ACVR1: variants seen among roughly 807,000 people sequenced by gnomAD.
ACVR1 encodes activin receptor type-1.
In ACVR1, 38 loss-of-function variants were observed where a neutral mutation model predicts 57.1. The observed-to-expected ratio is 0.67, with a 90% confidence interval of 0.51 to 0.87. The LOEUF (loss-of-function observed/expected upper bound fraction) is 0.87. Ranked by LOEUF, ACVR1 falls within the 40% of genes least tolerant of loss-of-function variation. The pLI, the probability that ACVR1 is intolerant of heterozygous loss-of-function variation, is 0.00. For missense variants in ACVR1, 463 were observed against 638.2 expected (o/e 0.73, Z 2.96); for synonymous variants, 212 against 228.1 (o/e 0.93, Z 0.63).
At chr2:157,792,565 T>C (rs1386483211) in intron 3 of ACVR1, among the ~76,000 whole-genome samples, 1 of 152,182 alleles carries the variant, frequency 6.6e-6, no homozygotes, top group African/African-American at 2.4e-5. Flanking sequence ...ATGAGGGCAG[T>C]AGGAACACCT....
At chr2:157,836,021 G>A (rs1027767090) in intron 1 of ACVR1, among the ~76,000 whole-genome samples, 2 of 152,172 alleles carry the variant, frequency 1.3e-5, no homozygotes, top group African/African-American at 4.8e-5. Context: ...TGTTATACCT[G>A]GAATTCACCC....
chr2:157,750,945 G>A (rs112777894), intron 9 of ACVR1, among the ~76,000 whole-genome samples: 1 of 151,800 alleles, frequency 6.6e-6, no homozygotes, highest in South Asian at 2.1e-4. Flanking sequence ...CAGATAGGAG[G>A]CCTGACTAAA....
At chr2:157,787,911 G>C (rs574614249) in intron 3 of ACVR1, among the ~76,000 whole-genome samples, 1 of 152,128 alleles carries the variant, frequency 6.6e-6, no homozygotes, top group Non-Finnish European at 1.5e-5. Context: ...TCTCTCTCTG[G>C]GATTCATGGA....
At chr2:157,780,735 G>A (rs1686485651) in intron 3 of ACVR1, 135 bp from the exon 4 acceptor site, 3 of 1,070,170 alleles carry the variant, frequency 2.8e-6, no homozygotes, top group East Asian at 2.6e-5. Context: ...CATCAACCAT[G>A]AGGTCCACAT....
chr2:157,825,225 A>ATT (rs1201675138), intron 1 of ACVR1, among the ~76,000 whole-genome samples: 4 of 152,210 alleles, frequency 2.6e-5, no homozygotes, highest in Non-Finnish European at 4.4e-5. Context: ...AGCCTTTTAG[A>ATT]GCAGCTAGTA....
chr2:157,765,485 G>C (rs1487232197), intron 8 of ACVR1, among the ~76,000 whole-genome samples: 1 of 152,032 alleles, frequency 6.6e-6, no homozygotes, highest in Non-Finnish European at 1.5e-5. Flanking sequence ...GGGAAACTCT[G>C]TATCTCGACA....
At chr2:157,834,852 A>G (rs1688723257) in intron 1 of ACVR1, among the ~76,000 whole-genome samples, 1 of 152,088 alleles carries the variant, frequency 6.6e-6, no homozygotes, top group African/African-American at 2.4e-5. Context: ...CTGTGGATTT[A>G]GTCCCCTTAT....
rs536828097 is a variant in ACVR1 at position 157,785,888 on chromosome 2, G to C, written c.68-5288C>G. ...TCAGATACACAAGCCTGACTCTCTC[G>C]GGCTTCCATCACACTCAAAGTAGAG... On this transcript the variant is annotated intron_variant, in intron 3 of 10. Coordinates refer to ENST00000434821, the MANE Select transcript of ACVR1 (RefSeq NM_001111067.4). 1.4e-4 allele frequency among the ~76,000 whole-genome samples: 22 copies of C among 152,152 alleles called. No homozygotes were observed. In the South Asian group the frequency reaches 4.4e-3, roughly 30 times the overall value.
intron 1 of ACVR1, among the ~76,000 whole-genome samples, chr2:157,846,600 A>G (rs909527098): frequency 3.9e-5 from 6 of 152,184 alleles, no homozygotes; most frequent in African/African-American, 1.4e-4. Flanking sequence ...GGAATCAGAG[A>G]GAATCTACTA....
At chr2:157,840,837 T>C (rs1037978743) in intron 1 of ACVR1, among the ~76,000 whole-genome samples, 1 of 152,228 alleles carries the variant, frequency 6.6e-6, no homozygotes, top group African/African-American at 2.4e-5. Context: ...CCTGCAGCCG[T>C]CCACTTTATC....
At chr2:157,790,694 A>G (rs1574068762) in intron 3 of ACVR1, among the ~76,000 whole-genome samples, 1 of 152,346 alleles carries the variant, frequency 6.6e-6, no homozygotes, top group East Asian at 1.9e-4. Flanking sequence ...TAGTTGCTAC[A>G]GTTGGGATGC....
At chr2:157,838,535 TACAAACTATTAGG>T (rs1427990242) in intron 1 of ACVR1, among the ~76,000 whole-genome samples, 4 of 152,186 alleles carry the variant, frequency 2.6e-5, no homozygotes, top group African/African-American at 9.7e-5. Flanking sequence ...ATCCCCAGTG[TACAAACTATTAGG>T]AAAAATGTGG....
chr2:157,737,555 G>A lies in ACVR1; in HGVS notation c.1506C>T (p.Leu502=), dbSNP rs55788041. 1.2e-3 allele frequency: 1,950 copies of A among 1,614,022 alleles called. 11 individuals carry two copies. Among genetic ancestry groups the A allele is most frequent in the Non-Finnish European group, 5.9e-4 (693 of 1,179,970 alleles). Reference sequence around the variant, plus strand: ...GTCAACAGTCAGTTTTCAATTTGTCGAGGGAATTATCAATTTTGGTCAAAG... The same window carrying A: ...GTCAACAGTCAGTTTTCAATTTGTCAAGGGAATTATCAATTTTGGTCAAAG... The part of the protein sequence containing the change: ...KKTLTKIDNS[L]DKLKTDC Residue 502 remains leucine (L), a synonymous_variant, in exon 11 of 11, where the codon CTC becomes CTT. Coordinates refer to ENST00000434821, the MANE Select transcript of ACVR1 (RefSeq NM_001111067.4).
At chr2:157,792,370 G>A (rs1394540892) in intron 3 of ACVR1, among the ~76,000 whole-genome samples, 1 of 152,184 alleles carries the variant, frequency 6.6e-6, no homozygotes, top group Non-Finnish European at 1.5e-5. Flanking sequence ...TCAGGCCACA[G>A]CTGCTCCAGT....
intron 1 of ACVR1, among the ~76,000 whole-genome samples, chr2:157,827,942 A>G (rs1418981678): frequency 1.3e-5 from 2 of 152,214 alleles, no homozygotes; most frequent in African/African-American, 4.8e-5. Context: ...TTCTAGCTCA[A>G]AGATTCTTCT....
intron 2 of ACVR1, among the ~76,000 whole-genome samples, chr2:157,809,373 G>C (rs960294180): frequency 9.9e-5 from 15 of 151,994 alleles, no homozygotes; most frequent in African/African-American, 2.9e-4. Flanking sequence ...AGATAATTGT[G>C]GTATGACTCA....
intron 3 of ACVR1, among the ~76,000 whole-genome samples, chr2:157,794,070 G>A (rs1687020620): frequency 6.6e-6 from 1 of 152,320 alleles, no homozygotes; most frequent in South Asian, 2.1e-4. Context: ...AATGTGGGTC[G>A]TCTCAGCTTT....
intron 1 of ACVR1, among the ~76,000 whole-genome samples, chr2:157,820,665 C>T (rs1285102073): frequency 6.6e-6 from 1 of 151,862 alleles, no homozygotes; most frequent in Admixed American, 6.6e-5. Context: ...TCCTTCTCAT[C>T]CTTCAAGACA....
intron 1 of ACVR1, among the ~76,000 whole-genome samples, chr2:157,861,386 A>G (rs1249842664): frequency 6.6e-6 from 1 of 152,234 alleles, no homozygotes; most frequent in African/African-American, 2.4e-5. Flanking sequence ...GTTATGCAAC[A>G]TCAAGTCTGT....
Sources: allele counts gnomAD v4.1 joint callset (sites outside exome capture counted in the v4.1 genomes callset), GRCh38; gene constraint gnomAD v4.1.1; transcripts MANE v1.5; gene names NCBI Gene and HGNC (gene_info 2026-07-23, HGNC 2026-07-21).